Variants in DNM3 observed in about 807,000 individuals in gnomAD.
DNM3 encodes dynamin-3.
Under a neutral mutation model 101.6 loss-of-function variants are expected in DNM3, and 47 were observed. The ratio of observed to expected loss-of-function variants is 0.46; its 90% confidence interval spans 0.37 to 0.59. The LOEUF is 0.59. DNM3 is among the 20% of genes least tolerant of loss of function. The probability of loss-of-function intolerance (pLI) is 0.00; values close to 1 mark genes in which losing one functional copy is unlikely to be tolerated. For synonymous variants in DNM3, 385 were observed against 387.9 expected (o/e 0.99, Z 0.09); for missense variants, 849 against 1,085.7 (o/e 0.78, Z 3.06).
chr1:172,344,217 G>A (rs1474157708), intron 17 of DNM3, among the ~76,000 whole-genome samples: 1 of 152,168 alleles, frequency 6.6e-6, no homozygotes, highest in African/African-American at 2.4e-5. Flanking sequence ...GGCAAAAAAT[G>A]CCTCTCATTG....
chr1:172,231,079 A>G (rs1243228500), intron 14 of DNM3, among the ~76,000 whole-genome samples: 1 of 151,688 alleles, frequency 6.6e-6, no homozygotes, highest in East Asian at 2.0e-4. Context: ...TGTGACTACC[A>G]TAGTTATGTC....
chr1:172,026,032 C>T (rs2048178963), intron 4 of DNM3, among the ~76,000 whole-genome samples: 1 of 151,948 alleles, frequency 6.6e-6, no homozygotes, highest in African/African-American at 2.4e-5. Context: ...GATGGTTTAA[C>T]CCAATACAAG....
At chr1:172,310,363 A>T (rs1253642057) in intron 16 of DNM3, 1 of 152,218 alleles carries the variant, frequency 6.6e-6, no homozygotes, top group Non-Finnish European at 1.5e-5. Context: ...CTGGTGATAC[A>T]GAGGTGAACA....
intron 1 of DNM3, among the ~76,000 whole-genome samples, chr1:171,873,161 T>A (rs1211337129): frequency 6.6e-6 from 1 of 152,196 alleles, no homozygotes; most frequent in Non-Finnish European, 1.5e-5. Flanking sequence ...TCACTAGCTG[T>A]GAAGTTGTCC....
chr1:172,007,817 G>A (rs1051393960), intron 4 of DNM3, among the ~76,000 whole-genome samples: 5 of 151,986 alleles, frequency 3.3e-5, no homozygotes, highest in African/African-American at 9.7e-5. Context: ...ATATACTGGA[G>A]TGCAGTGATG....
intron 15 of DNM3, among the ~76,000 whole-genome samples, chr1:172,302,735 CAG>C (rs1433509313): frequency 6.6e-6 from 1 of 152,130 alleles, no homozygotes; most frequent in Admixed American, 6.5e-5. Context: ...CCAAGGCAAA[CAG>C]GGTCTGGAGT....
At chr1:172,018,461 C>T (rs193234693) in intron 4 of DNM3, among the ~76,000 whole-genome samples, 10 of 152,180 alleles carry the variant, frequency 6.6e-5, no homozygotes, top group African/African-American at 2.2e-4. Context: ...ATACACTCCC[C>T]GACTTATGAT....
intron 15 of DNM3, among the ~76,000 whole-genome samples, chr1:172,279,962 C>CA (rs1253635732): frequency 6.6e-6 from 1 of 152,038 alleles, no homozygotes; most frequent in African/African-American, 2.4e-5. Flanking sequence ...ATCAAGCTGA[C>CA]AAAAAAATTC....
At chr1:172,305,116 C>G (rs2064725545) in intron 15 of DNM3, among the ~76,000 whole-genome samples, 1 of 151,944 alleles carries the variant, frequency 6.6e-6, no homozygotes, top group Admixed American at 6.6e-5. Context: ...AAAAGATCAA[C>G]AAAAGTGATA....
At chr1:172,028,578 T>C (rs572189561) in intron 4 of DNM3, among the ~76,000 whole-genome samples, 1 of 152,130 alleles carries the variant, frequency 6.6e-6, no homozygotes, top group African/African-American at 2.4e-5. Flanking sequence ...AGAGCAGAAC[T>C]GAAGGAGATA....
intron 2 of DNM3, among the ~76,000 whole-genome samples, chr1:171,947,718 C>T (rs980737740): frequency 2.6e-5 from 4 of 152,124 alleles, no homozygotes; most frequent in Non-Finnish European, 1.5e-5. Flanking sequence ...TTACTCTTTG[C>T]GCATCTCCTC....
chr1:172,001,926 A>T (rs1035752178), intron 4 of DNM3, among the ~76,000 whole-genome samples: 1 of 152,032 alleles, frequency 6.6e-6, no homozygotes. Context: ...CAGATATCCA[A>T]TCTGCTGTCT....
At chr1:172,154,110 G>A (rs535999190) in intron 14 of DNM3, among the ~76,000 whole-genome samples, 10 of 152,112 alleles carry the variant, frequency 6.6e-5, no homozygotes, top group Admixed American at 6.6e-4. Context: ...TTGATTAGAA[G>A]CATCTTGAGG....
chr1:172,311,606 A>G (rs759555793), intron 16 of DNM3, among the ~76,000 whole-genome samples: 2 of 152,190 alleles, frequency 1.3e-5, no homozygotes, highest in Non-Finnish European at 2.9e-5. Flanking sequence ...AGAAACAAAA[A>G]CAAAAACTTT....
chr1:172,188,521 T>C (rs1250192045), intron 14 of DNM3, among the ~76,000 whole-genome samples: 1 of 152,104 alleles, frequency 6.6e-6, no homozygotes, highest in East Asian at 1.9e-4. Context: ...TTTCTTTTTA[T>C]TGCTAAATAA....
At chr1:171,873,853 C>G (rs1458404902) in intron 1 of DNM3, among the ~76,000 whole-genome samples, 2 of 152,152 alleles carry the variant, frequency 1.3e-5, no homozygotes, top group Non-Finnish European at 2.9e-5. Context: ...TTTTTAGAAG[C>G]TGTTTCCTTT....
At chr1:171,880,995 GAA>G (rs1200327259) in intron 1 of DNM3, among the ~76,000 whole-genome samples, 2 of 152,040 alleles carry the variant, frequency 1.3e-5, no homozygotes, top group Non-Finnish European at 1.5e-5. Flanking sequence ...TAATTTATTG[GAA>G]ATTGTTTTTT....
At chr1:172,316,010 G>C (rs892260073) in intron 16 of DNM3, among the ~76,000 whole-genome samples, 4 of 152,158 alleles carry the variant, frequency 2.6e-5, no homozygotes, top group Admixed American at 6.5e-5. Context: ...TACCCACAAA[G>C]GGAAGCCCAT....
At chr1:171,881,465 G>A (rs1218179697) in intron 1 of DNM3, among the ~76,000 whole-genome samples, 2 of 152,146 alleles carry the variant, frequency 1.3e-5, no homozygotes, top group Non-Finnish European at 2.9e-5. Context: ...CCTAAGCAGA[G>A]GGCCTAAAGG....
Sources: gnomAD v4.1 joint callset for allele counts (sites outside exome capture counted in the v4.1 genomes callset) on GRCh38, gnomAD v4.1.1 for gene constraint, MANE v1.5 for transcripts, NCBI Gene and HGNC (gene_info 2026-07-23, HGNC 2026-07-21) for gene names.